Variants in FGF9 observed in about 807,000 individuals in gnomAD.
FGF9 encodes fibroblast growth factor 9 (glia-activating factor).
A neutral mutation model predicts 19.9 loss-of-function variants in FGF9; 3 were observed. That is an observed-to-expected ratio of 0.15 (90% CI 0.07 to 0.39). FGF9 has a LOEUF of 0.39. FGF9 is among the 10% of genes least tolerant of loss of function. The probability of loss-of-function intolerance (pLI) is 1.00; values close to 1 mark genes in which losing one functional copy is unlikely to be tolerated. For synonymous variants in FGF9, 107 were observed against 106.9 expected (o/e 1.00, Z -0.01); for missense variants, 175 against 256.8 (o/e 0.68, Z 2.18).
At position 21,702,208 on chromosome 13, in the gene FGF9, A is replaced by G. The variant is rs1214478465; in HGVS notation, c.*773A>G. ...GTGGTAAATTCATGCAAGTAGATAT[A>G]ATGGTGCATGGATATAAGAAATTCT... On this transcript the variant is annotated 3_prime_UTR_variant, in exon 3 of 3. Coordinates refer to ENST00000382353, the MANE Select transcript of FGF9 (RefSeq NM_002010.3). 6.6e-6 allele frequency: 1 copy of G among 152,170 alleles called. No individual in the cohort carries two copies. Among genetic ancestry groups the G allele is most frequent in the Admixed American group, 6.5e-5 (1 of 15,282 alleles). The allele number at this position is 152,170 out of a possible 1,614,324, so 9.4% of individuals were successfully genotyped here. A position where few individuals can be genotyped will look rare whatever the true frequency, so the allele number is the denominator to read the frequency against.
intron 2 of FGF9, among the ~76,000 whole-genome samples, chr13:21,684,402 G>A (rs1363451574): frequency 6.6e-6 from 1 of 152,000 alleles, no homozygotes; most frequent in African/African-American, 2.4e-5. Context: ...AACGCTCATT[G>A]GGTTGAACTG....
At chr13:21,700,280 A>G (rs1278543935) in intron 2 of FGF9, among the ~76,000 whole-genome samples, 1 of 152,094 alleles carries the variant, frequency 6.6e-6, no homozygotes, top group Non-Finnish European at 1.5e-5. Flanking sequence ...TTCAAGGAAA[A>G]GGCCGGAATA....
In FGF9 at chr13:21,674,094, G is replaced by C. The variant is rs563515590; in HGVS notation, c.277+1905G>C. 1.9e-3 allele frequency: 297 copies of C among 152,552 alleles called. 1 individual carries two copies. The highest frequency in any genetic ancestry group is 6.8e-3 in the African/African-American group (283 of 41,566). 9.4% of individuals were successfully genotyped at this position (152,552 alleles called of 1,614,324 possible). On this transcript the variant is annotated intron_variant, in intron 1 of 2. Coordinates refer to ENST00000382353, the MANE Select transcript of FGF9 (RefSeq NM_002010.3). ...TCGCTTTCTCTTTGTGTGTGAGAGT[G>C]GGTCTGGCGGGGCTGACAGCCGCCG...
At chr13:21,690,949 G>A (rs1245183889) in intron 2 of FGF9, among the ~76,000 whole-genome samples, 1 of 152,228 alleles carries the variant, frequency 6.6e-6, no homozygotes, top group Non-Finnish European at 1.5e-5. Flanking sequence ...CGCTGGTTGT[G>A]AGTTTGATGT....
rs1220671836 is a variant in FGF9, at chr13:21,701,416, A to C, written c.608A>C (p.Asp203Ala). The C allele has an allele frequency of 6.2e-7, 1 of 1,614,096 alleles. No homozygotes were observed. The highest frequency in any genetic ancestry group is 8.5e-7 in the Non-Finnish European group (1 of 1,179,988). Residue 203 changes from aspartate (D) to alanine (A), a missense_variant, in exon 3 of 3, where the codon GAT becomes GCT. Coordinates refer to ENST00000382353, the MANE Select transcript of FGF9 (RefSeq NM_002010.3). ...DPDKVPELYK[D>A]ILSQS is the part of the protein sequence containing the mutation. ...GACAAAGTACCTGAACTGTATAAGG[A>C]TATTCTAAGCCAAAGTTGACAAAGA...
chr13:21,701,436 C>A lies in FGF9; in HGVS notation c.*1C>A. Reference sequence around the variant, plus strand: ...TAAGGATATTCTAAGCCAAAGTTGACAAAGACAGTTTCTTCACTTGAGCCC... The same window carrying A: ...TAAGGATATTCTAAGCCAAAGTTGAAAAAGACAGTTTCTTCACTTGAGCCC... On this transcript the variant is annotated 3_prime_UTR_variant, in exon 3 of 3. Coordinates refer to ENST00000382353, the MANE Select transcript of FGF9 (RefSeq NM_002010.3). 1.2e-6 allele frequency: 2 copies of A among 1,613,950 alleles called. No homozygotes were observed. The highest frequency in any genetic ancestry group is 1.7e-6 in the Non-Finnish European group (2 of 1,179,926).
chr13:21,688,509 G>A (rs886226869), intron 2 of FGF9, among the ~76,000 whole-genome samples: 4 of 152,202 alleles, frequency 2.6e-5, no homozygotes, highest in East Asian at 1.9e-4. Flanking sequence ...TTTTAGAGAC[G>A]AGGAGGTGAG....
chr13:21,681,287 AT>A (rs1872038027), intron 2 of FGF9, 142 bp downstream of exon 2: 3 of 662,080 alleles, frequency 4.5e-6, no homozygotes, highest in Admixed American at 2.5e-5. Context: ...GAGGAAAGCC[AT>A]TTTATTTTTA....
Position 21,702,019 on chromosome 13 carries a change from A to G in FGF9, c.*584A>G, listed in dbSNP as rs1872562568. On this transcript the variant is annotated 3_prime_UTR_variant, in exon 3 of 3. Coordinates refer to ENST00000382353, the MANE Select transcript of FGF9 (RefSeq NM_002010.3). ...AAAAAAATAAAAAATAAAAATAAAAAAAGTTAAATTTATTTATAGAAATTC... is the reference window on the plus strand; with the variant it reads ...AAAAAAATAAAAAATAAAAATAAAAGAAGTTAAATTTATTTATAGAAATTC... 6.6e-6 allele frequency: 1 copy of G among 151,496 alleles called. No individual in the cohort carries two copies. The highest frequency in any genetic ancestry group is 2.4e-5 in the African/African-American group (1 of 41,336). 9.4% of individuals were successfully genotyped at this position (151,496 alleles called of 1,614,324 possible). A position where few individuals can be genotyped will look rare whatever the true frequency, so the allele number is the denominator to read the frequency against.
chr13:21,697,480 A>T (rs1332132154), intron 2 of FGF9, among the ~76,000 whole-genome samples: 1 of 151,944 alleles, frequency 6.6e-6, no homozygotes, highest in Non-Finnish European at 1.5e-5. Context: ...AATTGGCTTT[A>T]TTTTCTGAGT....
intron 2 of FGF9, among the ~76,000 whole-genome samples, chr13:21,699,426 C>T (rs1341630952): frequency 6.6e-6 from 1 of 152,242 alleles, no homozygotes; most frequent in Non-Finnish European, 1.5e-5. Flanking sequence ...TAAAAACCTA[C>T]TCAGTGCTTC....
rs145436564 is a variant in FGF9, at chr13:21,671,954, G to C, written c.42G>C (p.Gln14His). The change falls in exon 1 of 3, where the codon CAG becomes CAC. Residue 14 changes from glutamine to histidine, a missense_variant. By Grantham distance (24) the Gln-to-His change is conservative. Around this residue, in one of 3 missense-constraint regions of FGF9, gnomAD observed 69 missense variants for 73.6 expected, o/e 0.94. Coordinates refer to ENST00000382353, the MANE Select transcript of FGF9 (RefSeq NM_002010.3). ...LGEVGNYFGV[Q>H]DAVPFGNVPV... Reference sequence around the variant, plus strand: ...AAGTTGGGAACTATTTCGGTGTGCAGGATGCGGTACCGTTTGGGAATGTGC... The same window carrying C: ...AAGTTGGGAACTATTTCGGTGTGCACGATGCGGTACCGTTTGGGAATGTGC... 654 of 1,614,194 alleles carry C rather than the reference G, an allele frequency of 4.1e-4. 3 individuals carry two copies. In the African/African-American group the frequency reaches 8.0e-3, roughly 20 times the overall value.
chr13:21,702,467 A>G lies in FGF9; in HGVS notation c.*1032A>G, dbSNP rs772193978. ...ATGGTTGGAAAATATGAGGGTTGAT[A>G]TATGTCTTACTTGTTTAAATCTGTC... On this transcript the variant is annotated 3_prime_UTR_variant, in exon 3 of 3. Transcript: ENST00000382353. 6.6e-6 allele frequency: 1 copy of G among 152,208 alleles called. No individual in the cohort carries two copies. Among genetic ancestry groups the G allele is most frequent in the Non-Finnish European group, 1.5e-5 (1 of 68,032 alleles). 9.4% of individuals were successfully genotyped at this position (152,208 alleles called of 1,614,324 possible).
At chr13:21,677,834 T>C (rs1871950888) in intron 1 of FGF9, among the ~76,000 whole-genome samples, 1 of 152,220 alleles carries the variant, frequency 6.6e-6, no homozygotes, top group South Asian at 2.1e-4. Flanking sequence ...CTTTTCCACC[T>C]GGGGTCTGTA....
chr13:21,681,043 C>T lies in FGF9; in HGVS notation c.279C>T (p.Gly93=), dbSNP rs139857618. The T allele has an allele frequency of 6.2e-7, 1 of 1,610,918 alleles. No homozygotes were observed. The highest frequency in any genetic ancestry group is 8.5e-7 in the Non-Finnish European group (1 of 1,177,196). The change falls in exon 2 of 3, where the codon GGC becomes GGT. Residue 93 remains glycine (G), a splice_region_variant and synonymous_variant. Transcript: ENST00000382353. The part of the protein sequence containing the change: ...QGTRKDHSRF[G]ILEFISIAVG... The stretch of plus-strand genomic sequence containing the variant: ...CTGCCTTCTACCCTTTGTCTACAGG[C>T]ATTCTGGAATTTATCAGTATAGCAG...
rs918403795 is a variant in FGF9, at chr13:21,675,847, G to A, written c.277+3658G>A. On this transcript the variant is annotated intron_variant, in intron 1 of 2. Transcript: ENST00000382353. The stretch of plus-strand genomic sequence containing the variant: ...AGTGACACAGCAGCAGCAGTGCAGA[G>A]GACGTGGGGGTGGGGGAGTCTTACT... Among the ~76,000 whole-genome samples, 8 of 152,116 alleles carry A rather than the reference G, an allele frequency of 5.3e-5. No homozygotes were observed. In the East Asian group the frequency reaches 1.2e-3, roughly 22 times the overall value.
chr13:21,673,950 G>C (rs1593089293), intron 1 of FGF9: 1 of 152,222 alleles, frequency 6.6e-6, no homozygotes. Context: ...CGCCTGGCTC[G>C]GGTGCGCCCT....
At chr13:21,692,039 A>G (rs191606867) in intron 2 of FGF9, among the ~76,000 whole-genome samples, 89 of 144,720 alleles carry the variant, frequency 6.1e-4, no homozygotes, top group South Asian at 1.1e-3. Flanking sequence ...GCTTCTTTGT[A>G]ATGAAGTGCC....
At chr13:21,693,909 C>T (rs921076951) in intron 2 of FGF9, among the ~76,000 whole-genome samples, 9 of 152,230 alleles carry the variant, frequency 5.9e-5, no homozygotes, top group African/African-American at 2.2e-4. Context: ...CCCTGCTGCA[C>T]TGGGCAAGTT....
Sources: gnomAD v4.1 joint callset for allele counts (sites outside exome capture counted in the v4.1 genomes callset) on GRCh38, gnomAD v4.1.1 for gene constraint, gnomAD v4.1.1 regional missense constraint, MANE v1.5 for transcripts, NCBI Gene and HGNC (gene_info 2026-07-23, HGNC 2026-07-21) for gene names.